Variants in ALMS1 observed in about 807,000 individuals in gnomAD.
The protein encoded by ALMS1 is centrosome-associated protein ALMS1.
A neutral mutation model predicts 352.2 loss-of-function variants in ALMS1; 271 were observed. That is an observed-to-expected ratio of 0.77 (90% confidence interval 0.70 to 0.85). The LOEUF is 0.85. Among genes scored for constraint, ALMS1 ranks in the 40% least tolerant of loss-of-function variants. The pLI, the probability that ALMS1 is intolerant of heterozygous loss-of-function variation, is 0.00. For synonymous variants in ALMS1, 1,865 were observed against 1,761.2 expected, an observed-to-expected ratio of 1.06 and a Z score of -1.48; for missense variants, 5,445 against 4,870.7, an observed-to-expected ratio of 1.12 and a Z score of -3.51.
chr2:73,461,718 A>G (rs1342455092), intron 9 of ALMS1, among the ~76,000 whole-genome samples: 2 of 152,072 alleles, frequency 1.3e-5, no homozygotes, highest in East Asian at 1.9e-4. Flanking sequence ...AAAAAATTAG[A>G]CGAATGGATA....
Position 73,483,728 on chromosome 2 carries a change from C to A in ALMS1, c.7675-5906C>A, listed in dbSNP as rs1263640614. ...AGTCTAAGTCTCTTTGTAGGTCACTCAGGACTTGCTTTATGAATCTGGGTG... is the reference window on the plus strand; with the variant it reads ...AGTCTAAGTCTCTTTGTAGGTCACTAAGGACTTGCTTTATGAATCTGGGTG... On this transcript the variant is annotated intron_variant, in intron 9 of 22. Transcript: ENST00000613296. 1.4e-4 allele frequency among the ~76,000 whole-genome samples: 21 copies of A among 149,264 alleles called. 1 individual carries two copies. The highest frequency in any genetic ancestry group is 9.8e-4 in the East Asian group (5 of 5,110).
At chr2:73,591,058 C>G (rs1187140548) in intron 16 of ALMS1, among the ~76,000 whole-genome samples, 4 of 152,132 alleles carry the variant, frequency 2.6e-5, no homozygotes, top group Non-Finnish European at 4.4e-5. Flanking sequence ...AATCTTCCCA[C>G]CTAAGCCTTC....
At chr2:73,468,542 C>T (rs1174596216) in intron 9 of ALMS1, among the ~76,000 whole-genome samples, 2 of 152,008 alleles carry the variant, frequency 1.3e-5, no homozygotes, top group Non-Finnish European at 2.9e-5. Flanking sequence ...AATAACTTCT[C>T]ATTCTGTCTT....
At chr2:73,419,880 G>A (rs1671251780) in intron 3 of ALMS1, among the ~76,000 whole-genome samples, 2 of 152,130 alleles carry the variant, frequency 1.3e-5, no homozygotes, top group African/African-American at 2.4e-5. Flanking sequence ...AAATCATTAA[G>A]GGATTCAATT....
At position 73,455,253 on chromosome 2, in the gene ALMS1, G is replaced by A. The variant is rs2103797588; in HGVS notation, c.7632G>A (p.Lys2544=). ...ACAGGAGGAAAGTAGAAGAGATCAA[G>A]GCAGAGTTATTTGGTCATGGAAGAA... ...EDDRRKVEEI[K]AELFGHGRTT... Residue 2544 remains lysine (K), a synonymous_variant, in exon 9 of 23, where the codon AAG becomes AAA. Transcript: ENST00000613296. 1 of 1,614,128 alleles carries A rather than the reference G, an allele frequency of 6.2e-7. No homozygotes were observed. Among genetic ancestry groups the A allele is most frequent in the Non-Finnish European group, 8.5e-7 (1 of 1,180,012 alleles).
chr2:73,565,278 A>C (rs1259195336), intron 15 of ALMS1, among the ~76,000 whole-genome samples: 1 of 152,102 alleles, frequency 6.6e-6, no homozygotes, highest in Non-Finnish European at 1.5e-5. Flanking sequence ...AAAGTAAAGA[A>C]AAAAAAATGC....
At chr2:73,394,078 C>T (rs1452795613) in intron 1 of ALMS1, among the ~76,000 whole-genome samples, 1 of 152,058 alleles carries the variant, frequency 6.6e-6, no homozygotes, top group Non-Finnish European at 1.5e-5. Context: ...ACCTCGGCCT[C>T]TCAATGTGCT....
intron 16 of ALMS1, among the ~76,000 whole-genome samples, chr2:73,590,295 A>T (rs568489611): frequency 6.6e-6 from 1 of 152,162 alleles, no homozygotes; most frequent in Admixed American, 6.5e-5. Context: ...ATATTTAAAA[A>T]CTTGATTTAA....
intron 11 of ALMS1, among the ~76,000 whole-genome samples, chr2:73,526,075 T>C (rs1408148873): frequency 6.6e-6 from 1 of 152,170 alleles, no homozygotes; most frequent in Non-Finnish European, 1.5e-5. Flanking sequence ...TTGTTGAAAA[T>C]GAGTTCACTG....
At chr2:73,509,916 C>T (rs1026533958) in intron 10 of ALMS1, among the ~76,000 whole-genome samples, 1 of 151,978 alleles carries the variant, frequency 6.6e-6, no homozygotes, top group African/African-American at 2.4e-5. Context: ...TACGTTTAGT[C>T]TTTTCACATA....
Position 73,448,091 on chromosome 2 carries a change from G to A in ALMS1, c.1564G>A (p.Val522Ile), listed in dbSNP as rs1329606532. Residue 522 changes from valine to isoleucine, a missense_variant, in exon 8 of 23, where the codon GTA becomes ATA. Coordinates refer to ENST00000613296, the MANE Select transcript of ALMS1 (RefSeq NM_001378454.1). The part of the protein sequence containing the change: ...LSLEDLSQLA[V>I]SSPLETTTGQ... The stretch of plus-strand genomic sequence containing the variant: ...CCTTGAGGACCTGTCTCAGTTGGCT[G>A]TAAGTTCTCCTCTAGAAACTACTAC... 6.3e-7 allele frequency: 1 copy of A among 1,581,314 alleles called. No homozygotes were observed.
chr2:73,401,171 A>G (rs1256575366), intron 1 of ALMS1, among the ~76,000 whole-genome samples: 1 of 152,058 alleles, frequency 6.6e-6, no homozygotes, highest in East Asian at 1.9e-4. Context: ...ATCTTTTCAA[A>G]AGAACCAGCA....
At chr2:73,567,846 A>G (rs1674834508) in intron 15 of ALMS1, among the ~76,000 whole-genome samples, 1 of 152,202 alleles carries the variant, frequency 6.6e-6, no homozygotes, top group African/African-American at 2.4e-5. Context: ...GGTCTGACAA[A>G]ATCTTGGAGT....
At chr2:73,403,784 A>G (rs1360521815) in intron 1 of ALMS1, among the ~76,000 whole-genome samples, 1 of 151,738 alleles carries the variant, frequency 6.6e-6, no homozygotes, top group Non-Finnish European at 1.5e-5. Flanking sequence ...TTGTTTTTTG[A>G]TGCTATCATA....
intron 9 of ALMS1, among the ~76,000 whole-genome samples, chr2:73,468,351 G>A (rs751373733): frequency 6.6e-6 from 1 of 151,848 alleles, no homozygotes; most frequent in Non-Finnish European, 1.5e-5. Context: ...ATGAATCAAG[G>A]CAGATGTTTC....
At chr2:73,439,114 CTCTT>C (rs1430514604) in intron 7 of ALMS1, among the ~76,000 whole-genome samples, 1 of 117,040 alleles carries the variant, frequency 8.5e-6, no homozygotes, top group African/African-American at 5.3e-5. Flanking sequence ...CCTCCTCCTC[CTCTT>C]TTTTTTTTTT....
In ALMS1 at chr2:73,547,378, G is replaced by A. The variant is rs569943008; in HGVS notation, c.9908-2889G>A. On this transcript the variant is annotated intron_variant, in intron 12 of 22. Coordinates refer to ENST00000613296, the MANE Select transcript of ALMS1 (RefSeq NM_001378454.1). ...AAAGCAGAGATAAGTTCCTTTTTAC[G>A]CCAGCTCAGGGTGACTGGCCCCTTT... Among the ~76,000 whole-genome samples the A allele has an allele frequency of 3.3e-5, 5 of 152,262 alleles. No individual in the cohort carries two copies. The South Asian group carries it at 6.2e-4, about 19-fold the overall frequency.
Position 73,609,467 on chromosome 2 carries a change from C to A in ALMS1, c.12463-101C>A, listed in dbSNP as rs1015316696. ...AAAATGAACAAGATTTGAATAGGAC[C>A]ACACTGATTCTCCTTGGTGACATGG... On this transcript the variant is annotated intron_variant, in intron 22 of 22. Coordinates refer to ENST00000613296, the MANE Select transcript of ALMS1 (RefSeq NM_001378454.1). 1.6e-5 allele frequency: 17 copies of A among 1,094,594 alleles called. No homozygotes were observed. In the African/African-American group the frequency reaches 2.2e-4, roughly 14 times the overall value. The allele number at this position is 1,094,594 out of a possible 1,614,324, so 67.8% of individuals were successfully genotyped here.
chr2:73,594,558 C>A (rs1474969161), intron 16 of ALMS1, among the ~76,000 whole-genome samples: 1 of 152,202 alleles, frequency 6.6e-6, no homozygotes, highest in African/African-American at 2.4e-5. Flanking sequence ...ATCAACACTT[C>A]TGCTGCATCT....
Sources: gnomAD v4.1 joint callset for allele counts (sites outside exome capture counted in the v4.1 genomes callset) on GRCh38, gnomAD v4.1.1 for gene constraint, MANE v1.5 for transcripts, NCBI Gene and HGNC (gene_info 2026-07-23, HGNC 2026-07-21) for gene names.